Variants in PAX5 observed in about 807,000 individuals in gnomAD.
PAX5 encodes the protein paired box 5.
Under a neutral mutation model 43.7 loss-of-function variants are expected in PAX5, and 9 were observed. The observed-to-expected ratio is 0.21, with a 90% CI of 0.12 to 0.36. The LOEUF (loss-of-function observed/expected upper bound fraction) is 0.36. Ranked by LOEUF, PAX5 falls within the 10% of genes least tolerant of loss-of-function variation. PAX5 has a pLI of 1.00. For synonymous variants in PAX5, 228 were observed against 214.3 expected (o/e 1.06, Z -0.56); for missense variants, 383 against 532.7 (o/e 0.72, Z 2.77).
chr9:36,873,052 T>A (rs888510630), intron 8 of PAX5, among the ~76,000 whole-genome samples: 4 of 152,086 alleles, frequency 2.6e-5, no homozygotes, highest in Non-Finnish European at 5.9e-5. Context: ...CCCAACAATA[T>A]CCCTCCAGCT....
intron 3 of PAX5, among the ~76,000 whole-genome samples, chr9:37,013,950 C>T (rs1359825392): frequency 6.6e-6 from 1 of 152,184 alleles, no homozygotes; most frequent in Admixed American, 6.5e-5. Flanking sequence ...CTAGTCTGAC[C>T]GACCACCTCA....
chr9:36,943,363 C>T (rs1358570590), intron 6 of PAX5, among the ~76,000 whole-genome samples: 3 of 152,190 alleles, frequency 2.0e-5, no homozygotes, highest in African/African-American at 7.2e-5. Flanking sequence ...CTTTCCTATT[C>T]CTCATTTCAA....
rs1821636896 is a variant in PAX5 at position 36,836,317 on chromosome 9, C to T, written c.*4243G>A. 1 of 233,346 alleles carries T rather than the reference C, an allele frequency of 4.3e-6. No individual in the cohort carries two copies. Among genetic ancestry groups the T allele is most frequent in the Non-Finnish European group, 8.5e-6 (1 of 118,104 alleles). 14.5% of individuals were successfully genotyped at this position (233,346 alleles called of 1,614,324 possible). A position where few individuals can be genotyped will look rare whatever the true frequency, so the allele number is the denominator to read the frequency against. The stretch of plus-strand genomic sequence containing the variant: ...GCCTGGGAGAGTGGCAGGCTCTGGG[C>T]GTGCCCGTTTCTACCCCTGCCTTGC... On this transcript the variant is annotated 3_prime_UTR_variant, in exon 10 of 10. Coordinates refer to ENST00000358127, the MANE Select transcript of PAX5 (RefSeq NM_016734.3).
At chr9:36,873,884 G>C (rs7027504) in intron 8 of PAX5, among the ~76,000 whole-genome samples, 12,643 of 152,284 alleles carry the variant, frequency 0.083, 683 homozygotes, top group African/African-American at 0.16. Context: ...CTATGGAACT[G>C]GGCAGTATAT....
At chr9:37,007,020 G>A (rs964448274) in intron 3 of PAX5, among the ~76,000 whole-genome samples, 1 of 152,128 alleles carries the variant, frequency 6.6e-6, no homozygotes, top group Non-Finnish European at 1.5e-5. Flanking sequence ...CCTAGAGAAC[G>A]CATAAGGAGG....
At chr9:37,002,953 G>T in intron 4 of PAX5, 177 bp from the exon 5 acceptor site, 1 of 689,142 alleles carries the variant, frequency 1.5e-6, no homozygotes, top group Non-Finnish European at 2.3e-6. Flanking sequence ...CAGGCCTCGG[G>T]CGGGCCGTGT....
chr9:36,969,320 G>A (rs528448273), intron 5 of PAX5, among the ~76,000 whole-genome samples: 1 of 152,236 alleles, frequency 6.6e-6, no homozygotes, highest in Non-Finnish European at 1.5e-5. Context: ...TCTTCAGCCA[G>A]CCAGGCCATC....
chr9:36,971,423 C>T lies in PAX5; in HGVS notation c.605-4699G>A, dbSNP rs540761033. On this transcript the variant is annotated intron_variant, in intron 5 of 9. Coordinates refer to ENST00000358127, the MANE Select transcript of PAX5 (RefSeq NM_016734.3). The stretch of plus-strand genomic sequence containing the variant: ...CCTCCAGGCCTCCAGTGTAAGCTTC[C>T]GTAGCATTTCTCATCTGCACCATGA... 3.3e-5 allele frequency among the ~76,000 whole-genome samples: 5 copies of T among 152,274 alleles called. No individual in the cohort carries two copies. In the East Asian group the frequency reaches 9.6e-4, roughly 29 times the overall value.
chr9:37,028,871 T>C (rs1195052962), intron 1 of PAX5, among the ~76,000 whole-genome samples: 2 of 152,252 alleles, frequency 1.3e-5, no homozygotes, highest in African/African-American at 4.8e-5. Flanking sequence ...ACTCTCTTGC[T>C]ACACAAGGGA....
At chr9:37,027,325 C>G (rs2132543584) in intron 1 of PAX5, among the ~76,000 whole-genome samples, 1 of 152,332 alleles carries the variant, frequency 6.6e-6, no homozygotes, top group African/African-American at 2.4e-5. Context: ...TTCCCGCGGC[C>G]CCCGCTGCTC....
intron 7 of PAX5, among the ~76,000 whole-genome samples, chr9:36,912,491 C>T (rs891384565): frequency 5.3e-5 from 8 of 152,206 alleles, no homozygotes; most frequent in African/African-American, 9.6e-5. Flanking sequence ...CTGAAAGAGA[C>T]GCCTTCAGGA....
chr9:36,990,787 T>C (rs1231789473), intron 5 of PAX5, among the ~76,000 whole-genome samples: 2 of 152,232 alleles, frequency 1.3e-5, no homozygotes, highest in Admixed American at 6.5e-5. Flanking sequence ...GCAGTGAAGA[T>C]GGTGGAGCCC....
intron 7 of PAX5, among the ~76,000 whole-genome samples, chr9:36,891,336 G>A (rs1043682957): frequency 5.3e-5 from 8 of 152,250 alleles, no homozygotes; most frequent in African/African-American, 1.9e-4. Flanking sequence ...ACCTTAGGGA[G>A]AGGGGGAGAA....
chr9:37,015,497 A>C lies in PAX5; in HGVS notation c.213-303T>G, dbSNP rs1839306751. Among the ~76,000 whole-genome samples the C allele has an allele frequency of 6.6e-6, 1 of 152,192 alleles. No individual in the cohort carries two copies. Among genetic ancestry groups the C allele is most frequent in the Non-Finnish European group, 1.5e-5 (1 of 68,032 alleles). ...TTTATATATTGAGTTAAAATATATAATTAAAATATAGTACCTCTTTTTTTT... is the reference window on the plus strand; with the variant it reads ...TTTATATATTGAGTTAAAATATATACTTAAAATATAGTACCTCTTTTTTTT... On this transcript the variant is annotated intron_variant, in intron 2 of 9. Transcript: ENST00000358127. The surrounding 1 kb of genome is among the most constrained non-coding windows in gnomAD (Gnocchi z 4.4).
intron 7 of PAX5, among the ~76,000 whole-genome samples, chr9:36,910,565 G>A (rs1164694286): frequency 1.3e-5 from 2 of 152,144 alleles, no homozygotes; most frequent in African/African-American, 4.8e-5. Context: ...GACCTCGGGG[G>A]CACACGCCAG....
At chr9:36,935,859 C>CTCA (rs1424693858) in intron 6 of PAX5, among the ~76,000 whole-genome samples, 5 of 152,244 alleles carry the variant, frequency 3.3e-5, no homozygotes, top group African/African-American at 1.2e-4. Flanking sequence ...CTCTCTGGAG[C>CTCA]TCCAGTTCCA....
chr9:36,880,963 A>C (rs1186278363), intron 8 of PAX5, among the ~76,000 whole-genome samples: 1 of 152,246 alleles, frequency 6.6e-6, no homozygotes, highest in Non-Finnish European at 1.5e-5. Flanking sequence ...GCACTGAAAC[A>C]AGCTGTGTTG....
intron 8 of PAX5, among the ~76,000 whole-genome samples, chr9:36,877,053 G>GT (rs1364488999): frequency 2.0e-5 from 3 of 152,222 alleles, no homozygotes; most frequent in Admixed American, 2.0e-4. Flanking sequence ...AAATGAAGTG[G>GT]TGGCCGGGCA....
chr9:36,877,116 C>T (rs1012712662), intron 8 of PAX5, among the ~76,000 whole-genome samples: 1 of 152,102 alleles, frequency 6.6e-6, no homozygotes, highest in East Asian at 1.9e-4. Flanking sequence ...GCAGGAGGAT[C>T]GTTTGAGCTC....
Sources: allele counts gnomAD v4.1 joint callset (sites outside exome capture counted in the v4.1 genomes callset), GRCh38; gene constraint gnomAD v4.1.1; non-coding constraint Gnocchi (gnomAD v3.1); transcripts MANE v1.5; gene names NCBI Gene and HGNC (gene_info 2026-07-23, HGNC 2026-07-21).